KCNMA1: variants seen among roughly 807,000 people sequenced by gnomAD.
The protein encoded by KCNMA1 is Calcium-activated potassium channel subunit alpha-1.
KCNMA1 carries 29 observed loss-of-function variants against 140.0 expected under a neutral mutation model. The ratio of observed to expected loss-of-function variants is 0.21; its 90% CI spans 0.15 to 0.28. The LOEUF is 0.28. KCNMA1 is among the 10% of genes least tolerant of loss of function. KCNMA1 has a pLI of 1.00. For synonymous variants in KCNMA1, 612 were observed against 611.9 expected (o/e 1.00, Z 0.00); for missense variants, 880 against 1,602.2 (o/e 0.55, Z 7.70).
intron 2 of KCNMA1, among the ~76,000 whole-genome samples, chr10:77,296,859 C>T (rs919363909): frequency 4.9e-5 from 7 of 143,512 alleles, no homozygotes; most frequent in East Asian, 2.0e-4. Context: ...TCCTACCTGC[C>T]GATCTGCTCC....
intron 19 of KCNMA1, among the ~76,000 whole-genome samples, chr10:76,986,669 T>A (rs558768277): frequency 6.6e-5 from 10 of 152,350 alleles, no homozygotes; most frequent in African/African-American, 2.4e-4. Context: ...TCTAGGCCAT[T>A]GGCTAGGGTC....
chr10:77,582,696 G>A (rs1321010875), intron 1 of KCNMA1, among the ~76,000 whole-genome samples: 1 of 152,228 alleles, frequency 6.6e-6, no homozygotes, highest in African/African-American at 2.4e-5. Flanking sequence ...CAACTGCAAG[G>A]AAGTGCCTGC....
intron 22 of KCNMA1, 49 bp from the exon 23 acceptor site, chr10:76,945,014 A>T (rs34963014): frequency 6.7e-7 from 1 of 1,500,064 alleles, no homozygotes; most frequent in Non-Finnish European, 9.3e-7. Flanking sequence ...GGAGAAAGAG[A>T]CAGAGAGAGA....
intron 1 of KCNMA1, among the ~76,000 whole-genome samples, chr10:77,411,651 G>A (rs1048012085): frequency 3.3e-5 from 5 of 152,172 alleles, no homozygotes; most frequent in Admixed American, 6.5e-5. Flanking sequence ...AAGTGCCCAC[G>A]AAAGGTTTAT....
intron 19 of KCNMA1, among the ~76,000 whole-genome samples, chr10:76,999,815 G>A (rs2085605081): frequency 1.3e-5 from 2 of 152,128 alleles, no homozygotes; most frequent in Admixed American, 6.5e-5. Context: ...GGAGCAGCAG[G>A]AAATCGTGAA....
At chr10:77,318,474 G>C (rs929156450) in intron 2 of KCNMA1, among the ~76,000 whole-genome samples, 1 of 152,108 alleles carries the variant, frequency 6.6e-6, no homozygotes, top group South Asian at 2.1e-4. Context: ...CACAACCAGA[G>C]GGCCCCATGG....
intron 3 of KCNMA1, among the ~76,000 whole-genome samples, chr10:77,193,110 G>A (rs562295667): frequency 6.6e-4 from 100 of 151,996 alleles, no homozygotes; most frequent in Middle Eastern, 3.4e-3. Flanking sequence ...ATCTACATAA[G>A]AGGCAGAGAT....
intron 3 of KCNMA1, among the ~76,000 whole-genome samples, chr10:77,202,470 T>G (rs969094778): frequency 2.0e-5 from 3 of 152,188 alleles, no homozygotes; most frequent in Non-Finnish European, 2.9e-5. Context: ...TGATAATGAC[T>G]CTCTTCCTTC....
chr10:77,514,239 CTGGTCT>C (rs2049479541), intron 1 of KCNMA1, among the ~76,000 whole-genome samples: 1 of 152,218 alleles, frequency 6.6e-6, no homozygotes, highest in Non-Finnish European at 1.5e-5. Flanking sequence ...CACAGGTGTG[CTGGTCT>C]GCCCCTCAGA....
At position 77,495,686 on chromosome 10, in the gene KCNMA1, G is replaced by A. The variant is rs373078640; in HGVS notation, c.379-91663C>T. The stretch of plus-strand genomic sequence containing the variant: ...AAAGCTTCCACCTCATGGAGCTGGC[G>A]TGTACACAGACAGGCACAGCCTGCC... On this transcript the variant is annotated intron_variant, in intron 1 of 27. Coordinates refer to ENST00000286628, the MANE Select transcript of KCNMA1 (RefSeq NM_001161352.2). Among the ~76,000 whole-genome samples, 7 of 152,200 alleles carry A rather than the reference G, an allele frequency of 4.6e-5. No individual in the cohort carries two copies. In the East Asian group the frequency reaches 5.8e-4, roughly 13 times the overall value.
At chr10:77,023,201 T>C (rs1278562315) in intron 16 of KCNMA1, among the ~76,000 whole-genome samples, 1 of 152,192 alleles carries the variant, frequency 6.6e-6, no homozygotes, top group African/African-American at 2.4e-5. Flanking sequence ...CTCCACCACT[T>C]GTGCATAACT....
At chr10:77,257,533 G>A (rs913752065) in intron 2 of KCNMA1, among the ~76,000 whole-genome samples, 4 of 152,122 alleles carry the variant, frequency 2.6e-5, no homozygotes, top group Admixed American at 1.3e-4. Context: ...GGAAAACCAA[G>A]GAAAAAGGAA....
intron 5 of KCNMA1, among the ~76,000 whole-genome samples, chr10:77,139,115 C>T (rs543311257): frequency 1.1e-4 from 17 of 152,152 alleles, no homozygotes; most frequent in Non-Finnish European, 2.5e-4. Context: ...GTACTCACTA[C>T]TGAAAATTAA....
At chr10:77,614,886 A>T (rs1020494383) in intron 1 of KCNMA1, among the ~76,000 whole-genome samples, 1 of 152,224 alleles carries the variant, frequency 6.6e-6, no homozygotes, top group Non-Finnish European at 1.5e-5. Context: ...GTATGGGACA[A>T]GTTGCCAATG....
At chr10:76,935,237 C>G (rs958014226) in intron 23 of KCNMA1, among the ~76,000 whole-genome samples, 3 of 152,240 alleles carry the variant, frequency 2.0e-5, no homozygotes, top group African/African-American at 7.2e-5. Flanking sequence ...CAAACTTCAG[C>G]CCCTTAGGTG....
chr10:77,190,813 T>A (rs149030369), intron 3 of KCNMA1, among the ~76,000 whole-genome samples: 1 of 152,218 alleles, frequency 6.6e-6, no homozygotes, highest in Non-Finnish European at 1.5e-5. Flanking sequence ...GAGGGGAAGT[T>A]CTTCTGCTTA....
At chr10:77,506,621 T>TGTGTGTGTGTG (rs1567212159) in intron 1 of KCNMA1, among the ~76,000 whole-genome samples, 1 of 54,010 alleles carries the variant, frequency 1.9e-5, no homozygotes, top group African/African-American at 1.1e-4. Flanking sequence ...GTGTGTGTGT[T>TGTGTGTGTGTG]AGAGAGGGAG....
intron 19 of KCNMA1, among the ~76,000 whole-genome samples, chr10:76,999,046 G>C (rs774463452): frequency 6.6e-6 from 1 of 152,210 alleles, no homozygotes; most frequent in Non-Finnish European, 1.5e-5. Flanking sequence ...GCAGCCCAAA[G>C]CTCCACGTGT....
At chr10:76,900,100 AT>A (rs1229744178) in intron 25 of KCNMA1, among the ~76,000 whole-genome samples, 2 of 151,936 alleles carry the variant, frequency 1.3e-5, no homozygotes. Context: ...ATTCCTTTTA[AT>A]GTTTTCAATT....
Sources: gnomAD v4.1 joint callset for allele counts (sites outside exome capture counted in the v4.1 genomes callset) on GRCh38, gnomAD v4.1.1 for gene constraint, MANE v1.5 for transcripts, NCBI Gene and HGNC (gene_info 2026-07-23, HGNC 2026-07-21) for gene names.